Variants in RBFOX1 observed in about 807,000 individuals in gnomAD.
RBFOX1 encodes RNA binding protein fox-1 homolog 1.
RBFOX1 carries 8 observed loss-of-function variants against 57.7 expected under a neutral mutation model. The ratio of observed to expected loss-of-function variants is 0.14; its 90% CI spans 0.08 to 0.25. The LOEUF (loss-of-function observed/expected upper bound fraction) is 0.25. Ranked by LOEUF, RBFOX1 falls within the 10% of genes least tolerant of loss-of-function variation. The pLI is 1.00. For missense variants in RBFOX1, 611 were observed against 548.5 expected (o/e 1.11, Z -1.14); for synonymous variants, 326 against 222.4 (o/e 1.47, Z -4.15).
At chr16:6,786,271 C>G (rs1448217605) in intron 3 of RBFOX1, among the ~76,000 whole-genome samples, 3 of 152,132 alleles carry the variant, frequency 2.0e-5, no homozygotes, top group African/African-American at 7.2e-5. Flanking sequence ...GGAGACGGGG[C>G]TTTTTGGCTC....
chr16:5,476,869 T>C (rs1418498982), intron 2 of RBFOX1, among the ~76,000 whole-genome samples: 1 of 152,168 alleles, frequency 6.6e-6, no homozygotes, highest in African/African-American at 2.4e-5. Flanking sequence ...AGTTAACCTT[T>C]CTCAATCTAG....
At chr16:7,144,039 G>A (rs1481895092) in intron 4 of RBFOX1, among the ~76,000 whole-genome samples, 1 of 152,116 alleles carries the variant, frequency 6.6e-6, no homozygotes, top group Non-Finnish European at 1.5e-5. Flanking sequence ...TTCAAGGTCC[G>A]TAAAGGCTGA....
intron 1 of RBFOX1, among the ~76,000 whole-genome samples, chr16:5,385,497 A>G (rs1196630635): frequency 2.0e-5 from 3 of 152,236 alleles, no homozygotes. Flanking sequence ...GGTGAATGAT[A>G]AAGAAACAGA....
At chr16:6,188,055 T>C (rs147506703) in intron 1 of RBFOX1, among the ~76,000 whole-genome samples, 150 of 152,290 alleles carry the variant, frequency 9.8e-4, no homozygotes, top group African/African-American at 3.2e-3. Flanking sequence ...CGAAGGATCC[T>C]CACTAATACC....
chr16:7,094,108 T>G (rs2061310492), intron 4 of RBFOX1, among the ~76,000 whole-genome samples: 1 of 150,888 alleles, frequency 6.6e-6, no homozygotes, highest in Non-Finnish European at 1.5e-5. Context: ...TCTTCTTCAT[T>G]TTACATTTTG....
chr16:6,958,651 G>A (rs2082340332), intron 3 of RBFOX1, among the ~76,000 whole-genome samples: 1 of 152,292 alleles, frequency 6.6e-6, no homozygotes, highest in Admixed American at 6.5e-5. Flanking sequence ...TGCATAACTA[G>A]AAATGGGAAG....
intron 4 of RBFOX1, among the ~76,000 whole-genome samples, chr16:7,267,577 G>T (rs1007232133): frequency 6.6e-6 from 1 of 150,580 alleles, no homozygotes; most frequent in Non-Finnish European, 1.5e-5. Context: ...ATGGGAAGCC[G>T]AGCACGATGG....
At chr16:5,975,497 A>G (rs1487228789) in intron 4 of RBFOX1, among the ~76,000 whole-genome samples, 1 of 152,168 alleles carries the variant, frequency 6.6e-6, no homozygotes, top group Non-Finnish European at 1.5e-5. Flanking sequence ...ATGGTTTAGT[A>G]TTGCTTGGCA....
intron 3 of RBFOX1, among the ~76,000 whole-genome samples, chr16:6,674,072 G>GC (rs2098785215): frequency 2.0e-5 from 3 of 152,262 alleles, no homozygotes; most frequent in South Asian, 2.1e-4. Flanking sequence ...AGGAGATTCA[G>GC]CACTCTCTTG....
At chr16:5,751,101 C>A (rs1302001029) in intron 3 of RBFOX1, among the ~76,000 whole-genome samples, 1 of 152,176 alleles carries the variant, frequency 6.6e-6, no homozygotes, top group African/African-American at 2.4e-5. Context: ...CCTCGGCCTC[C>A]TAAAGTGCTG....
At chr16:7,298,333 C>T (rs1366978252) in intron 4 of RBFOX1, among the ~76,000 whole-genome samples, 2 of 135,510 alleles carry the variant, frequency 1.5e-5, no homozygotes, top group South Asian at 4.6e-4. Context: ...TTTGCCCAGG[C>T]TCTGGAGTGC....
At chr16:5,537,149 T>C (rs549313113) in intron 2 of RBFOX1, among the ~76,000 whole-genome samples, 1 of 152,312 alleles carries the variant, frequency 6.6e-6, no homozygotes, top group African/African-American at 2.4e-5. Context: ...TTTAGGCTTT[T>C]CTATAATCTT....
At chr16:6,008,759 T>C (rs1266081109) in intron 4 of RBFOX1, among the ~76,000 whole-genome samples, 1 of 152,326 alleles carries the variant, frequency 6.6e-6, no homozygotes, top group Middle Eastern at 3.4e-3. Flanking sequence ...GTACCTACGT[T>C]TTGGTTCAAC....
intron 4 of RBFOX1, among the ~76,000 whole-genome samples, chr16:7,056,400 G>A (rs941799527): frequency 9.2e-5 from 14 of 152,174 alleles, no homozygotes; most frequent in Admixed American, 9.2e-4. Context: ...GACATGGTCA[G>A]AGGAGCTCAC....
At chr16:6,524,884 C>G (rs979096455) in intron 2 of RBFOX1, among the ~76,000 whole-genome samples, 1 of 152,118 alleles carries the variant, frequency 6.6e-6, no homozygotes, top group Non-Finnish European at 1.5e-5. Flanking sequence ...ATAAGGACAC[C>G]ATTCCCTGGA....
intron 3 of RBFOX1, among the ~76,000 whole-genome samples, chr16:5,720,604 T>C (rs2051894470): frequency 6.6e-6 from 1 of 152,214 alleles, no homozygotes. Flanking sequence ...TTCGAGTTCA[T>C]TTTTATCTAT....
intron 4 of RBFOX1, among the ~76,000 whole-genome samples, chr16:7,224,593 G>A (rs573275874): frequency 6.6e-6 from 1 of 152,262 alleles, no homozygotes; most frequent in South Asian, 2.1e-4. Context: ...ATTTTCAGTT[G>A]GGCGTGTAGT....
At chr16:5,520,122 A>G (rs1352732015) in intron 2 of RBFOX1, among the ~76,000 whole-genome samples, 2 of 152,110 alleles carry the variant, frequency 1.3e-5, no homozygotes, top group Non-Finnish European at 2.9e-5. Context: ...CAGGGAGGGG[A>G]ATGGCTTGTG....
Position 6,189,595 on chromosome 16 carries a change from C to T in RBFOX1, c.-126-127400C>T, listed in dbSNP as rs1428342399. 3.3e-5 allele frequency among the ~76,000 whole-genome samples: 5 copies of T among 152,142 alleles called. No individual in the cohort carries two copies. The South Asian group carries it at 6.2e-4, about 19-fold the overall frequency. On this transcript the variant is annotated intron_variant, in intron 1 of 15. Transcript: ENST00000550418. The stretch of plus-strand genomic sequence containing the variant: ...TCCCACCTGCTCTCGTTGTTGGGGG[C>T]ATTTTAACTCATCACCTGATGCTAT...
Sources: allele counts gnomAD v4.1 joint callset (sites outside exome capture counted in the v4.1 genomes callset), GRCh38; gene constraint gnomAD v4.1.1; transcripts MANE v1.5; gene names NCBI Gene and HGNC (gene_info 2026-07-23, HGNC 2026-07-21).